The following ANO3 variants were observed in gnomAD, a reference collection of about 807,000 sequenced individuals.
ANO3 encodes the protein anoctamin-3.
In ANO3, 99 loss-of-function variants were observed where a neutral mutation model predicts 144.8. That is an observed-to-expected ratio of 0.68 (90% confidence interval 0.58 to 0.81). The LOEUF (loss-of-function observed/expected upper bound fraction) is 0.81, where lower values mean the gene tolerates loss of function less well. Among genes scored for constraint, ANO3 ranks in the 30% least tolerant of loss-of-function variants. ANO3 has a pLI of 0.00. For missense variants in ANO3, 905 were observed against 1,202.2 expected, an observed-to-expected ratio of 0.75 and a Z score of 3.66; for synonymous variants, 414 against 392.6, an observed-to-expected ratio of 1.05 and a Z score of -0.64.
chr11:26,351,119 C>T (rs973424708), intron 1 of ANO3, among the ~76,000 whole-genome samples: 14 of 152,138 alleles, frequency 9.2e-5, no homozygotes, highest in African/African-American at 2.2e-4. Flanking sequence ...GAGATATACA[C>T]ATTCTAAATC....
chr11:26,235,941 A>G (rs1852512462), intron 1 of ANO3, among the ~76,000 whole-genome samples: 3 of 152,124 alleles, frequency 2.0e-5, no homozygotes, highest in Admixed American at 1.3e-4. Flanking sequence ...AGCCAATCTC[A>G]ATATTATGTA....
At chr11:26,650,340 G>T (rs987953844) in intron 24 of ANO3, among the ~76,000 whole-genome samples, 1 of 152,166 alleles carries the variant, frequency 6.6e-6, no homozygotes, top group Admixed American at 6.5e-5. Context: ...GCATAGCTCT[G>T]TAATTAAGAA....
At chr11:26,585,598 T>A (rs1851252656) in intron 14 of ANO3, among the ~76,000 whole-genome samples, 2 of 152,160 alleles carry the variant, frequency 1.3e-5, no homozygotes, top group Admixed American at 1.3e-4. Context: ...CCTATCTACC[T>A]ATCTCCAGGA....
At chr11:26,291,160 G>A (rs1399740672) in intron 1 of ANO3, among the ~76,000 whole-genome samples, 1 of 152,154 alleles carries the variant, frequency 6.6e-6, no homozygotes, top group African/African-American at 2.4e-5. Context: ...TTACCATTAT[G>A]TAATGGCCTT....
chr11:26,648,646 T>G (rs1275192203), intron 24 of ANO3, among the ~76,000 whole-genome samples: 1 of 152,212 alleles, frequency 6.6e-6, no homozygotes, highest in East Asian at 1.9e-4. Flanking sequence ...ATACAGGTTT[T>G]CTCAGCTCTT....
intron 8 of ANO3, among the ~76,000 whole-genome samples, chr11:26,532,342 T>G (rs2134186354): frequency 6.6e-6 from 1 of 152,320 alleles, no homozygotes; most frequent in East Asian, 1.9e-4. Context: ...CTTTTTCAGC[T>G]TTTTGCTGCA....
At chr11:26,559,951 T>G in intron 14 of ANO3, 172 bp downstream of exon 14, 1 of 500,162 alleles carries the variant, frequency 2.0e-6, no homozygotes, top group Non-Finnish European at 3.6e-6. Context: ...CAGTGCTTCT[T>G]TAGGAATTTA....
At chr11:26,525,305 A>G (rs531231662) in intron 6 of ANO3, among the ~76,000 whole-genome samples, 5 of 152,218 alleles carry the variant, frequency 3.3e-5, no homozygotes, top group Admixed American at 2.6e-4. Context: ...GGATGGCCTT[A>G]TATAATATGT....
At chr11:26,409,232 G>A (rs1364920744) in intron 1 of ANO3, among the ~76,000 whole-genome samples, 4 of 151,438 alleles carry the variant, frequency 2.6e-5, no homozygotes, top group Admixed American at 2.6e-4. Context: ...ACTCTAGCAG[G>A]TATACTTACA....
chr11:26,201,202 G>A (rs577525412), intron 1 of ANO3, among the ~76,000 whole-genome samples: 13 of 152,182 alleles, frequency 8.5e-5, no homozygotes, highest in African/African-American at 2.6e-4. Flanking sequence ...CTTCTATGCT[G>A]TAAAAGTACA....
chr11:26,199,362 A>T (rs533947799), intron 1 of ANO3, among the ~76,000 whole-genome samples: 2 of 152,168 alleles, frequency 1.3e-5, no homozygotes, highest in Admixed American at 1.3e-4. Flanking sequence ...TTGTAGGGGG[A>T]GGAGGAGCTG....
At chr11:26,242,034 GT>G (rs1852674219) in intron 1 of ANO3, among the ~76,000 whole-genome samples, 1 of 152,208 alleles carries the variant, frequency 6.6e-6, no homozygotes. Context: ...CAGATGTATA[GT>G]TTTCTGGACA....
At chr11:26,564,785 A>ATATATATATAT (rs1850498223) in intron 14 of ANO3, among the ~76,000 whole-genome samples, 3 of 95,484 alleles carry the variant, frequency 3.1e-5, no homozygotes, top group Non-Finnish European at 6.5e-5. Flanking sequence ...ATATATATAT[A>ATATATATATAT]AGTTCAGTTG....
chr11:26,398,541 C>T (rs12791810), intron 1 of ANO3, among the ~76,000 whole-genome samples: 17,468 of 151,878 alleles, frequency 0.12, 1,220 homozygotes, highest in Admixed American at 0.19. Flanking sequence ...ATATTTCTTC[C>T]GTATATCTGA....
At chr11:26,523,245 A>G (rs552172551) in intron 6 of ANO3, among the ~76,000 whole-genome samples, 6 of 152,232 alleles carry the variant, frequency 3.9e-5, no homozygotes, top group Non-Finnish European at 8.8e-5. Flanking sequence ...CCTGGGGATT[A>G]CACTTCGAGA....
At chr11:26,230,085 T>TA (rs1310280181) in intron 1 of ANO3, among the ~76,000 whole-genome samples, 1 of 152,190 alleles carries the variant, frequency 6.6e-6, no homozygotes, top group Non-Finnish European at 1.5e-5. Flanking sequence ...ACTAGTTGCC[T>TA]AAAAAACTTC....
intron 1 of ANO3, among the ~76,000 whole-genome samples, chr11:26,303,966 G>A (rs779731594): frequency 5.3e-5 from 8 of 152,218 alleles, no homozygotes; most frequent in Non-Finnish European, 1.2e-4. Context: ...ACCTGCCTCA[G>A]CCTCCCAAAG....
chr11:26,578,322 G>T (rs1321689632), intron 14 of ANO3, among the ~76,000 whole-genome samples: 1 of 152,038 alleles, frequency 6.6e-6, no homozygotes, highest in Non-Finnish European at 1.5e-5. Context: ...AGGAAATATG[G>T]TCCTAAAGCA....
chr11:26,591,979 G>A (rs427978), intron 14 of ANO3, among the ~76,000 whole-genome samples: 46,905 of 151,992 alleles, frequency 0.31, 7,367 homozygotes, highest in Admixed American at 0.38. Context: ...GGGAACTAGA[G>A]GGAAGGGACT....
Sources: allele counts gnomAD v4.1 joint callset (sites outside exome capture counted in the v4.1 genomes callset), GRCh38; gene constraint gnomAD v4.1.1; transcripts MANE v1.5; gene names NCBI Gene and HGNC (gene_info 2026-07-23, HGNC 2026-07-21).